The following ROR1 variants were observed in gnomAD, a reference collection of about 807,000 sequenced individuals.
ROR1 encodes the protein ROR family WNT receptor 1, also known as inactive tyrosine-protein kinase transmembrane receptor ROR1.
In ROR1, 19 loss-of-function variants were observed where a neutral mutation model predicts 78.8. The observed-to-expected ratio is 0.24, with a 90% CI of 0.17 to 0.35. ROR1 has a LOEUF of 0.35. Ranked by LOEUF, ROR1 falls within the 10% of genes least tolerant of loss-of-function variation. ROR1 has a pLI of 1.00. For synonymous variants in ROR1, 386 were observed against 433.6 expected, an observed-to-expected ratio of 0.89 and a Z score of 1.36; for missense variants, 917 against 1,177.8, an observed-to-expected ratio of 0.78 and a Z score of 3.24.
intron 1 of ROR1, among the ~76,000 whole-genome samples, chr1:63,923,613 CA>C (rs1645675089): frequency 6.6e-6 from 1 of 151,640 alleles, no homozygotes; most frequent in South Asian, 2.1e-4. Context: ...AAATCAGCTT[CA>C]CCTCTAGCCT....
intron 7 of ROR1, among the ~76,000 whole-genome samples, chr1:64,147,440 T>G (rs958535796): frequency 6.6e-6 from 1 of 152,062 alleles, no homozygotes; most frequent in African/African-American, 2.4e-5. Context: ...CACGAATATA[T>G]CCATTAAAGG....
intron 4 of ROR1, among the ~76,000 whole-genome samples, chr1:64,113,981 A>G (rs1648219890): frequency 6.6e-6 from 1 of 152,162 alleles, no homozygotes; most frequent in Non-Finnish European, 1.5e-5. Flanking sequence ...GTGGATTAAA[A>G]GGATAAATTT....
chr1:63,786,365 C>T (rs1199233857), intron 1 of ROR1, among the ~76,000 whole-genome samples: 12 of 148,468 alleles, frequency 8.1e-5, no homozygotes, highest in South Asian at 6.4e-4. Flanking sequence ...CTCCGCCTCC[C>T]GGGTTCACGC....
intron 1 of ROR1, among the ~76,000 whole-genome samples, chr1:63,794,507 G>C (rs982831370): frequency 6.6e-6 from 1 of 152,228 alleles, no homozygotes; most frequent in African/African-American, 2.4e-5. Flanking sequence ...TTCTCTCACT[G>C]GTGGTGGCCT....
At chr1:63,851,312 T>C (rs1385688467) in intron 1 of ROR1, among the ~76,000 whole-genome samples, 1 of 152,178 alleles carries the variant, frequency 6.6e-6, no homozygotes, top group Non-Finnish European at 1.5e-5. Context: ...AAATGAGAGA[T>C]TGCATTAGTC....
rs1027644339 is a variant in ROR1, at chr1:63,967,426, T to C, written c.92-41879T>C. On this transcript the variant is annotated intron_variant, in intron 1 of 8. Coordinates refer to ENST00000371079, the MANE Select transcript of ROR1 (RefSeq NM_005012.4). ...TAAATTTGGAAATGGATTCTCGCTA[T>C]GATGCTCAGGCTGGCCTTTGAACTC... Among the ~76,000 whole-genome samples, 3 of 152,166 alleles carry C rather than the reference T, an allele frequency of 2.0e-5. No individual in the cohort carries two copies. The East Asian group carries it at 5.8e-4, about 29-fold the overall frequency.
At chr1:63,833,271 G>T (rs1644999586) in intron 1 of ROR1, among the ~76,000 whole-genome samples, 1 of 152,206 alleles carries the variant, frequency 6.6e-6, no homozygotes, top group African/African-American at 2.4e-5. Context: ...TAGCTGCTTT[G>T]ATTAGTAGTG....
intron 4 of ROR1, among the ~76,000 whole-genome samples, chr1:64,127,145 C>T (rs1382262508): frequency 6.6e-6 from 1 of 152,196 alleles, no homozygotes; most frequent in African/African-American, 2.4e-5. Context: ...TCCTTCCACA[C>T]TTTACATGGC....
intron 1 of ROR1, among the ~76,000 whole-genome samples, chr1:63,819,418 C>T (rs1644911561): frequency 6.6e-6 from 1 of 152,106 alleles, no homozygotes; most frequent in African/African-American, 2.4e-5. Flanking sequence ...TGTGTTTATG[C>T]TTGAACCTGC....
chr1:63,775,560 TTA>T (rs1485689213), intron 1 of ROR1: 1 of 152,232 alleles, frequency 6.6e-6, no homozygotes, highest in African/African-American at 2.4e-5. Context: ...CTCTGCTCTT[TTA>T]TCATGCATCT....
intron 1 of ROR1, among the ~76,000 whole-genome samples, chr1:63,867,139 A>G (rs1242854657): frequency 6.6e-6 from 1 of 152,198 alleles, no homozygotes; most frequent in Admixed American, 6.5e-5. Context: ...CTCCTGCTGG[A>G]CTGTAAACTC....
chr1:63,883,921 G>C (rs1645340064), intron 1 of ROR1, among the ~76,000 whole-genome samples: 1 of 152,166 alleles, frequency 6.6e-6, no homozygotes, highest in Non-Finnish European at 1.5e-5. Context: ...CAGTGCATGT[G>C]CTGAGCAGAG....
intron 4 of ROR1, 21 bp from the exon 5 acceptor site, chr1:64,137,348 T>A: frequency 6.2e-7 from 1 of 1,613,546 alleles, no homozygotes; most frequent in Non-Finnish European, 8.5e-7. Flanking sequence ...TCAGCTAATG[T>A]CTGTCTATGC....
At chr1:63,934,540 A>C (rs1424063023) in intron 1 of ROR1, among the ~76,000 whole-genome samples, 2 of 152,190 alleles carry the variant, frequency 1.3e-5, no homozygotes, top group African/African-American at 2.4e-5. Context: ...TATTTCCTAA[A>C]TGGATCCTGT....
chr1:64,148,516 T>TG (rs777021985), intron 7 of ROR1, among the ~76,000 whole-genome samples: 2 of 152,326 alleles, frequency 1.3e-5, no homozygotes, highest in East Asian at 3.9e-4. Context: ...AGAATCTCCA[T>TG]GGGGTTTCTC....
chr1:64,021,952 T>A (rs2100557463), intron 2 of ROR1, among the ~76,000 whole-genome samples: 1 of 152,304 alleles, frequency 6.6e-6, no homozygotes, highest in African/African-American at 2.4e-5. Flanking sequence ...CACATATTCA[T>A]AGCTGTATTA....
intron 2 of ROR1, among the ~76,000 whole-genome samples, chr1:64,031,842 C>T (rs1312290725): frequency 1.3e-5 from 2 of 151,120 alleles, no homozygotes; most frequent in Non-Finnish European, 2.9e-5. Context: ...ACAGCTTTTG[C>T]TTTTGTGTGT....
At chr1:64,082,077 C>G (rs1252084749) in intron 4 of ROR1, among the ~76,000 whole-genome samples, 2 of 151,982 alleles carry the variant, frequency 1.3e-5, no homozygotes, top group Non-Finnish European at 2.9e-5. Context: ...ATTTTGGAGT[C>G]ATAGATGTTT....
At chr1:63,980,757 G>T (rs1463682361) in intron 1 of ROR1, among the ~76,000 whole-genome samples, 1 of 152,218 alleles carries the variant, frequency 6.6e-6, no homozygotes, top group African/African-American at 2.4e-5. Flanking sequence ...TAGCCACATG[G>T]CTGTGGAAGG....
Sources: allele counts gnomAD v4.1 joint callset (sites outside exome capture counted in the v4.1 genomes callset), GRCh38; gene constraint gnomAD v4.1.1; transcripts MANE v1.5; gene names NCBI Gene and HGNC (gene_info 2026-07-23, HGNC 2026-07-21).